The following ADAM18 variants were observed in gnomAD, a reference collection of about 807,000 sequenced individuals.
ADAM18 encodes the protein disintegrin and metalloproteinase domain-containing protein 18.
Under a neutral mutation model 94.4 loss-of-function variants are expected in ADAM18, and 117 were observed. That is an observed-to-expected ratio of 1.24 (90% confidence interval 1.07 to 1.45). The LOEUF is 1.45. Ranked by LOEUF, ADAM18 falls within the 40% of genes most tolerant of loss-of-function variation. The pLI is 0.00. For synonymous variants in ADAM18, 327 were observed against 291.6 expected (o/e 1.12, Z -1.24); for missense variants, 936 against 880.0 (o/e 1.06, Z -0.81).
At chr8:39,672,902 T>C (rs2129580356) in intron 14 of ADAM18, among the ~76,000 whole-genome samples, 1 of 152,204 alleles carries the variant, frequency 6.6e-6, no homozygotes, top group East Asian at 1.9e-4. Context: ...TTAAATAGAG[T>C]CCTGGCCAAG....
chr8:39,645,399 A>C lies in ADAM18; in HGVS notation c.971A>C (p.Asn324Thr), dbSNP rs1220719460. The change falls in exon 11 of 20, where the codon AAT (asparagine) becomes ACT (threonine). Residue 324 changes from asparagine to threonine, a missense_variant. Asn to Thr is a moderately conservative substitution (Grantham distance 65). Coordinates refer to ENST00000265707, the MANE Select transcript of ADAM18 (RefSeq NM_014237.3). ...SVIIAQLLGLNVGLTYDDITQ... is the reference protein window; with the variant it reads ...SVIIAQLLGLTVGLTYDDITQ... ...ATTATAGCTCAACTGCTTGGCCTTA[A>C]TGTAGGATTAACATATGATGACATC... 1.9e-6 allele frequency: 3 copies of C among 1,612,688 alleles called. No homozygotes were observed. Among genetic ancestry groups the C allele is most frequent in the Non-Finnish European group, 8.5e-7 (1 of 1,179,306 alleles).
At chr8:39,630,834 T>C (rs1308606339) in intron 7 of ADAM18, among the ~76,000 whole-genome samples, 1 of 151,980 alleles carries the variant, frequency 6.6e-6, no homozygotes, top group East Asian at 1.9e-4. Flanking sequence ...AGTAATTTCG[T>C]ATTCTATCAG....
intron 16 of ADAM18, among the ~76,000 whole-genome samples, chr8:39,691,439 G>T (rs1324763268): frequency 6.6e-6 from 1 of 151,926 alleles, no homozygotes; most frequent in Non-Finnish European, 1.5e-5. Context: ...TAAAAATAGA[G>T]CTACCATGTG....
At chr8:39,716,112 T>C (rs1822568946) in intron 18 of ADAM18, among the ~76,000 whole-genome samples, 1 of 151,974 alleles carries the variant, frequency 6.6e-6, no homozygotes, top group South Asian at 2.1e-4. Context: ...TAGGTAATGT[T>C]TTATCAATTT....
Position 39,723,731 on chromosome 8 carries a change from A to C in ADAM18, c.2018-17A>C. 6.9e-7 allele frequency: 1 copy of C among 1,442,122 alleles called. No individual in the cohort carries two copies. Among genetic ancestry groups the C allele is most frequent in the Non-Finnish European group, 9.2e-7 (1 of 1,090,448 alleles). The allele number at this position is 1,442,122 out of a possible 1,614,324, so 89.3% of individuals were successfully genotyped here. On this transcript the variant is annotated splice_polypyrimidine_tract_variant and intron_variant, in intron 18 of 19. Coordinates refer to ENST00000265707, the MANE Select transcript of ADAM18 (RefSeq NM_014237.3). Reference sequence around the variant, plus strand: ...TCCACTGAGTCCCCACTAATTTATCATATGATTCATTTCTAGGTGACTTTT... The same window carrying C: ...TCCACTGAGTCCCCACTAATTTATCCTATGATTCATTTCTAGGTGACTTTT...
chr8:39,645,289 C>G (rs772895780), intron 10 of ADAM18, 49 bp from the exon 11 acceptor site: 5 of 1,480,812 alleles, frequency 3.4e-6, no homozygotes, highest in Non-Finnish European at 9.2e-7. Context: ...CAAGTTATTA[C>G]TTTTATTTTC....
chr8:39,678,137 G>A (rs1048266595), intron 15 of ADAM18, among the ~76,000 whole-genome samples: 1 of 152,122 alleles, frequency 6.6e-6, no homozygotes, highest in East Asian at 1.9e-4. Flanking sequence ...CCACAAAAAT[G>A]TGTAACAGAG....
At chr8:39,684,276 TTTTATTTA>T (rs536278073) in intron 16 of ADAM18, among the ~76,000 whole-genome samples, 649 of 152,092 alleles carry the variant, frequency 4.3e-3, no homozygotes, top group Middle Eastern at 0.031. Context: ...TTTCCCAATC[TTTTATTTA>T]TTTATTTATT....
Position 39,723,798 on chromosome 8 carries a change from A to G in ADAM18, c.2068A>G (p.Ile690Val). The change falls in exon 19 of 20, where the codon ATT becomes GTT. Residue 690 changes from isoleucine to valine, a missense_variant. Coordinates refer to ENST00000265707, the MANE Select transcript of ADAM18 (RefSeq NM_014237.3). ...GYNTHWNNWF[I>V]LSFCIFLPFF... ...CAATACACACTGGAACAACTGGTTT[A>G]TTCTGAGTTTCTGCATTTTTCTGCC... is the stretch of plus-strand genomic sequence containing the variant. 1 of 1,589,172 alleles carries G rather than the reference A, an allele frequency of 6.3e-7. No homozygotes were observed. The highest frequency in any genetic ancestry group is 8.6e-7 in the Non-Finnish European group (1 of 1,168,064).
intron 6 of ADAM18, among the ~76,000 whole-genome samples, chr8:39,615,102 T>C (rs777291225): frequency 1.3e-5 from 2 of 152,078 alleles, no homozygotes; most frequent in South Asian, 2.1e-4. Flanking sequence ...TTTGACCAAA[T>C]GGACCTAACA....
At chr8:39,621,722 T>C (rs1244022541) in intron 6 of ADAM18, among the ~76,000 whole-genome samples, 1 of 152,176 alleles carries the variant, frequency 6.6e-6, no homozygotes, top group Non-Finnish European at 1.5e-5. Flanking sequence ...ATGGTACATA[T>C]ACACCATGGA....
chr8:39,726,336 T>C (rs1452332615), intron 19 of ADAM18, among the ~76,000 whole-genome samples: 2 of 151,718 alleles, frequency 1.3e-5, no homozygotes, highest in African/African-American at 4.8e-5. Context: ...GTATGTTGCG[T>C]AGGCTTGTCT....
intron 2 of ADAM18, among the ~76,000 whole-genome samples, chr8:39,602,058 A>T (rs144292365): frequency 2.0e-5 from 3 of 152,110 alleles, no homozygotes; most frequent in South Asian, 4.1e-4. Flanking sequence ...TTATTCGTCT[A>T]TTCGTTACTG....
intron 13 of ADAM18, among the ~76,000 whole-genome samples, chr8:39,665,630 T>C (rs1820976225): frequency 6.6e-6 from 1 of 152,208 alleles, no homozygotes; most frequent in African/African-American, 2.4e-5. Context: ...TATGGTTTTG[T>C]GTTATCTTTG....
chr8:39,707,177 T>C (rs1822264301), intron 18 of ADAM18, among the ~76,000 whole-genome samples: 1 of 152,194 alleles, frequency 6.6e-6, no homozygotes, highest in African/African-American at 2.4e-5. Flanking sequence ...TCCTTCCATG[T>C]TTTATGCCAT....
chr8:39,694,385 T>C lies in ADAM18; in HGVS notation c.1902+1705T>C, dbSNP rs1286568547. Reference sequence around the variant, plus strand: ...TCTGTTAATGTACAAATATATTTATTGATTTTTAAAATAGTAAGCCAACTT... The same window carrying C: ...TCTGTTAATGTACAAATATATTTATCGATTTTTAAAATAGTAAGCCAACTT... On this transcript the variant is annotated intron_variant, in intron 17 of 19. Coordinates refer to ENST00000265707, the MANE Select transcript of ADAM18 (RefSeq NM_014237.3). 2.0e-5 allele frequency among the ~76,000 whole-genome samples: 3 copies of C among 151,510 alleles called. No individual in the cohort carries two copies. In the East Asian group the frequency reaches 5.8e-4, roughly 29 times the overall value.
In ADAM18 at chr8:39,619,881, A is replaced by G. The variant is rs1280896090; in HGVS notation, c.522+9175A>G. ...ATACCAGTCTTTACAGAAATAGAAA[A>G]AAGTCAATCCTAAAATGTATATGCA... On this transcript the variant is annotated intron_variant, in intron 6 of 19. Coordinates refer to ENST00000265707, the MANE Select transcript of ADAM18 (RefSeq NM_014237.3). 2.6e-5 allele frequency among the ~76,000 whole-genome samples: 4 copies of G among 152,252 alleles called. No homozygotes were observed. The East Asian group carries it at 7.7e-4, about 29-fold the overall frequency.
chr8:39,686,388 T>C (rs1821605878), intron 16 of ADAM18, among the ~76,000 whole-genome samples: 1 of 152,158 alleles, frequency 6.6e-6, no homozygotes, highest in Non-Finnish European at 1.5e-5. Context: ...TTAGGACTCA[T>C]TATCTGCTTC....
chr8:39,634,478 A>G (rs769127446), intron 7 of ADAM18, among the ~76,000 whole-genome samples: 6 of 152,300 alleles, frequency 3.9e-5, no homozygotes, highest in African/African-American at 7.2e-5. Flanking sequence ...CAGCAAAGCT[A>G]TTAGGGTGGT....
Sources: gnomAD v4.1 joint callset for allele counts (sites outside exome capture counted in the v4.1 genomes callset) on GRCh38, gnomAD v4.1.1 for gene constraint, MANE v1.5 for transcripts, NCBI Gene and HGNC (gene_info 2026-07-23, HGNC 2026-07-21) for gene names.